SLC2A5: variants seen among roughly 807,000 people sequenced by gnomAD.
SLC2A5 encodes solute carrier family 2, facilitated glucose transporter member 5.
In SLC2A5, 56 loss-of-function variants were observed where a neutral mutation model predicts 50.3. The observed-to-expected ratio is 1.11, with a 90% CI of 0.90 to 1.39. The LOEUF is 1.39. Among genes scored for constraint, SLC2A5 ranks in the 40% most tolerant of loss-of-function variants. SLC2A5 has a pLI of 0.00. For missense variants in SLC2A5, 566 were observed against 650.1 expected (o/e 0.87, Z 1.41); for synonymous variants, 269 against 281.9 (o/e 0.95, Z 0.46).
At chr1:9,041,338 C>A in intron 5 of SLC2A5, 1 of 611,536 alleles carries the variant, frequency 1.6e-6, no homozygotes, top group South Asian at 8.3e-5. Context: ...GGGGCCAGGC[C>A]ACCCTCACTC....
intron 1 of SLC2A5, among the ~76,000 whole-genome samples, chr1:9,060,267 T>G (rs1473048274): frequency 4.8e-5 from 2 of 42,072 alleles, no homozygotes; most frequent in African/African-American, 1.0e-4. Flanking sequence ...ACACACACAC[T>G]CCCCACATGT....
At chr1:9,068,602 C>A (rs1195457383) in intron 1 of SLC2A5, among the ~76,000 whole-genome samples, 4 of 152,082 alleles carry the variant, frequency 2.6e-5, no homozygotes, top group African/African-American at 7.2e-5. Context: ...CAGGCACCTG[C>A]CACCACGCCT....
chr1:9,057,856 A>G (rs1317328201), intron 2 of SLC2A5, among the ~76,000 whole-genome samples: 1 of 151,918 alleles, frequency 6.6e-6, no homozygotes, highest in Non-Finnish European at 1.5e-5. Context: ...GATGACTCCA[A>G]TTTTCCAATC....
intron 1 of SLC2A5, among the ~76,000 whole-genome samples, chr1:9,060,442 A>G (rs1011213853): frequency 7.0e-6 from 1 of 141,888 alleles, no homozygotes; most frequent in African/African-American, 2.6e-5. Flanking sequence ...TCCAGTACAC[A>G]CACACACCTC....
intron 4 of SLC2A5, among the ~76,000 whole-genome samples, chr1:9,043,367 T>A (rs1456151627): frequency 6.6e-6 from 1 of 152,182 alleles, no homozygotes; most frequent in Non-Finnish European, 1.5e-5. Context: ...AGTTCATTAA[T>A]ATCGATTCTT....
Position 9,082,754 on chromosome 1 carries a change from C to A in SLC2A5, c.-59+2260G>T, listed in dbSNP as rs74051035. On this transcript the variant is annotated intron_variant, in intron 2 of 5. Transcript: ENST00000464985. The stretch of plus-strand genomic sequence containing the variant: ...CTGCCCAGTTGTGGGTGCAATCTTG[C>A]ACCAGGCAGCCCAACCCTGACCTAA... The A allele has an allele frequency of 5.2e-3, 2,101 of 405,412 alleles. 36 individuals are homozygous for A. Among genetic ancestry groups the A allele is most frequent in the African/African-American group, 0.042 (1,951 of 46,204 alleles). The allele number at this position is 405,412 out of a possible 1,614,324, so 25.1% of individuals were successfully genotyped here.
intron 3 of SLC2A5, among the ~76,000 whole-genome samples, chr1:9,056,428 G>A (rs889975249): frequency 1.3e-5 from 2 of 151,772 alleles, no homozygotes; most frequent in Non-Finnish European, 1.5e-5. Context: ...CAGGTGATCC[G>A]CCCGCCTCTG....
chr1:9,049,325 T>C (rs1489163716), intron 3 of SLC2A5: 2 of 386,470 alleles, frequency 5.2e-6, no homozygotes, highest in African/African-American at 4.2e-5. Flanking sequence ...ATTAGTGTCA[T>C]AAAATAAGGA....
intron 2 of SLC2A5, among the ~76,000 whole-genome samples, chr1:9,075,960 A>AT (rs35070638): frequency 0.15 from 18,162 of 122,148 alleles, 1,518 homozygotes; most frequent in East Asian, 0.43. Flanking sequence ...CGCGCCCGGC[A>AT]TTTTTTTTTT....
At position 9,087,847 on chromosome 1, in the gene SLC2A5, T is replaced by C. The variant is rs1642419668; in HGVS notation, c.-188+525A>G. On this transcript the variant is annotated intron_variant, in intron 1 of 5. Coordinates refer to the SLC2A5 transcript ENST00000464985. ...ACTTGCTCCCTCTTCCTTCCTCTTC[T>C]CTCTCTCTCTCTTCCTCGTGTGCCT... Among the ~76,000 whole-genome samples the C allele has an allele frequency of 1.3e-5, 2 of 151,544 alleles. 1 individual carries two copies. Among genetic ancestry groups the C allele is most frequent in the South Asian group, 4.2e-4 (2 of 4,804 alleles).
At chr1:9,070,864 G>A (rs1020826977), upstream of SLC2A5, among the ~76,000 whole-genome samples, 6 of 152,056 alleles carry the variant, frequency 3.9e-5, no homozygotes, top group Non-Finnish European at 4.4e-5. Context: ...TGGGGGGTCG[G>A]GGGGGTCCCT....
chr1:9,048,702 C>T (rs1641497397), intron 3 of SLC2A5, among the ~76,000 whole-genome samples: 1 of 151,648 alleles, frequency 6.6e-6, no homozygotes, highest in Non-Finnish European at 1.5e-5. Context: ...GCTCTGTCAC[C>T]CAGGCTGGAG....
At chr1:9,042,382 G>A (rs909221008) in intron 4 of SLC2A5, among the ~76,000 whole-genome samples, 2 of 152,074 alleles carry the variant, frequency 1.3e-5, no homozygotes, top group Admixed American at 6.6e-5. Flanking sequence ...GCAACATAGT[G>A]GAACCGTTTC....
chr1:9,037,780 C>T lies in SLC2A5; in HGVS notation c.1312G>A (p.Gly438Ser), dbSNP rs574081080. Residue 438 changes from glycine (G) to serine (S), a missense_variant, in exon 12 of 12, where the codon GGC (glycine) becomes AGC (serine). Transcript: ENST00000377424. ...LIFPFIQEGL[G>S]PYSFIVFAVI... ...GCGAAGACAATGAAGCTGTACGGGCCGAGGCCCTCCTGCGGGAAGAGGGGC... is the reference window on the plus strand; with the variant it reads ...GCGAAGACAATGAAGCTGTACGGGCTGAGGCCCTCCTGCGGGAAGAGGGGC... The T allele has an allele frequency of 9.3e-6, 15 of 1,614,128 alleles. No homozygotes were observed. In the East Asian group the frequency reaches 2.2e-4, roughly 24 times the overall value.
At chr1:9,066,173 T>A (rs1234853994) in intron 1 of SLC2A5, among the ~76,000 whole-genome samples, 4 of 152,172 alleles carry the variant, frequency 2.6e-5, no homozygotes, top group Non-Finnish European at 5.9e-5. Flanking sequence ...AAATGTGTCT[T>A]TATTTTCCAA....
chr1:9,086,109 T>C (rs772757230), intron 1 of SLC2A5, among the ~76,000 whole-genome samples: 2 of 152,180 alleles, frequency 1.3e-5, no homozygotes, highest in Non-Finnish European at 2.9e-5. Context: ...TCAATCTTCA[T>C]GATCACTTGG....
At chr1:9,057,890 C>T (rs958540725) in intron 2 of SLC2A5, among the ~76,000 whole-genome samples, 10 of 152,148 alleles carry the variant, frequency 6.6e-5, no homozygotes, top group African/African-American at 1.7e-4. Flanking sequence ...CTGGCCCCCC[C>T]GGATTCCCTC....
chr1:9,078,823 C>G (rs901871256), intron 2 of SLC2A5, among the ~76,000 whole-genome samples: 1 of 152,176 alleles, frequency 6.6e-6, no homozygotes, highest in East Asian at 1.9e-4. Context: ...ATAAATTTTG[C>G]GAACCTCACA....
At chr1:9,068,843 C>A (rs956365851) in intron 1 of SLC2A5, among the ~76,000 whole-genome samples, 6 of 152,190 alleles carry the variant, frequency 3.9e-5, no homozygotes, top group Non-Finnish European at 8.8e-5. Flanking sequence ...CAAATATAAG[C>A]AGATGCTATT....
Sources: gnomAD v4.1 joint callset for allele counts (sites outside exome capture counted in the v4.1 genomes callset) on GRCh38, gnomAD v4.1.1 for gene constraint, MANE v1.5 for transcripts, NCBI Gene and HGNC (gene_info 2026-07-23, HGNC 2026-07-21) for gene names.